The following PEX14 variants were observed in gnomAD, a reference collection of about 807,000 sequenced individuals.
PEX14 encodes the protein peroxisomal membrane protein PEX14.
A neutral mutation model predicts 49.5 loss-of-function variants in PEX14; 15 were observed. The observed-to-expected ratio is 0.30, with a 90% CI of 0.20 to 0.47. The LOEUF is 0.47. Among genes scored for constraint, PEX14 ranks in the 20% least tolerant of loss-of-function variants. PEX14 has a pLI of 1.00. For synonymous variants in PEX14, 210 were observed against 212.7 expected (o/e 0.99, Z 0.11); for missense variants, 398 against 494.8 (o/e 0.80, Z 1.86).
Position 10,557,029 on chromosome 1 carries a change from G to A in PEX14, c.169+20732G>A, listed in dbSNP as rs2124521590. On this transcript the variant is annotated intron_variant, in intron 3 of 8. Coordinates refer to ENST00000356607, the MANE Select transcript of PEX14 (RefSeq NM_004565.3). ...TTGAGTAAGTCATTAAGTAAAGCCA[G>A]TCACCTTAGATTTTGCCTCTTCTCT... is the stretch of plus-strand genomic sequence containing the variant. Among the ~76,000 whole-genome samples the A allele has an allele frequency of 1.3e-5, 2 of 152,176 alleles. 1 individual carries two copies. Among genetic ancestry groups the A allele is most frequent in the South Asian group, 4.1e-4 (2 of 4,822 alleles).
intron 2 of PEX14, chr1:10,524,547 G>A: frequency 3.9e-6 from 1 of 255,516 alleles, no homozygotes; most frequent in South Asian, 1.5e-4. Context: ...GCTTCTCCTA[G>A]ATGACCAAGA....
intron 3 of PEX14, among the ~76,000 whole-genome samples, chr1:10,587,992 G>A (rs989519331): frequency 6.9e-6 from 1 of 145,878 alleles, no homozygotes; most frequent in Non-Finnish European, 1.5e-5. Context: ...TTGGGAGGCC[G>A]AGCGAGTAGA....
chr1:10,627,445 C>T (rs959798211), intron 8 of PEX14, 82 bp downstream of exon 8: 82 of 960,216 alleles, frequency 8.5e-5, no homozygotes, highest in Admixed American at 2.8e-4. Context: ...AGGGGCATGA[C>T]GCCCACCCCC....
chr1:10,490,956 G>A (rs1358035285), intron 1 of PEX14, among the ~76,000 whole-genome samples: 1 of 151,178 alleles, frequency 6.6e-6, no homozygotes, highest in Admixed American at 6.6e-5. Context: ...CTCCCACATC[G>A]GCCTCCCAAA....
chr1:10,618,298 C>T (rs775652633), intron 4 of PEX14, 34 bp from the exon 5 acceptor site: 38 of 1,570,768 alleles, frequency 2.4e-5, no homozygotes, highest in South Asian at 8.9e-5. Flanking sequence ...ACGCCATGTG[C>T]GTCTTCTAAC....
intron 3 of PEX14, among the ~76,000 whole-genome samples, chr1:10,537,408 C>T (rs1327377394): frequency 7.6e-5 from 11 of 145,178 alleles, no homozygotes; most frequent in South Asian, 2.2e-4. Context: ...CTCGCCACTC[C>T]GCAAGCATCA....
chr1:10,623,520 C>T lies in PEX14; in HGVS notation c.487+399C>T, dbSNP rs533375768. Among the ~76,000 whole-genome samples the T allele has an allele frequency of 1.3e-5, 2 of 152,252 alleles. No homozygotes were observed. The highest frequency in any genetic ancestry group is 3.9e-4 in the East Asian group (2 of 5,182). On this transcript the variant is annotated intron_variant, in intron 6 of 8. Coordinates refer to ENST00000356607, the MANE Select transcript of PEX14 (RefSeq NM_004565.3). The surrounding 1 kb of genome is among the most constrained non-coding windows in gnomAD (Gnocchi z 4.4). ...GAGAGTCTGTAATTACTGTGGCTCCCGGGACCCCAGCCACCTCCCCTGTTA... is the reference window on the plus strand; with the variant it reads ...GAGAGTCTGTAATTACTGTGGCTCCTGGGACCCCAGCCACCTCCCCTGTTA...
chr1:10,484,329 C>T (rs565319631), intron 1 of PEX14, among the ~76,000 whole-genome samples: 2 of 151,734 alleles, frequency 1.3e-5, no homozygotes, highest in African/African-American at 4.9e-5. Flanking sequence ...TGAGTCACTG[C>T]GTCCAGCCAA....
intron 3 of PEX14, among the ~76,000 whole-genome samples, chr1:10,586,577 A>G (rs74715638): frequency 9.3e-4 from 142 of 152,098 alleles, no homozygotes; most frequent in African/African-American, 3.3e-3. Flanking sequence ...GGCTATGTGT[A>G]ACAACAAGGA....
intron 2 of PEX14, among the ~76,000 whole-genome samples, chr1:10,532,698 ATT>A (rs1638683883): frequency 6.6e-6 from 1 of 152,188 alleles, no homozygotes; most frequent in Non-Finnish European, 1.5e-5. Flanking sequence ...AATTTATGTA[ATT>A]TAGTTGGGCA....
intron 7 of PEX14, 120 bp from the exon 8 acceptor site, chr1:10,627,152 G>T: frequency 2.6e-6 from 2 of 765,162 alleles, no homozygotes; most frequent in Admixed American, 3.5e-5. Flanking sequence ...CTTCCCCCGG[G>T]TTCCCCAGAA....
At chr1:10,603,382 T>C (rs1458647351) in intron 4 of PEX14, among the ~76,000 whole-genome samples, 6 of 152,106 alleles carry the variant, frequency 3.9e-5, no homozygotes, top group African/African-American at 1.2e-4. Context: ...GACAAGAAAT[T>C]CTGAAATTCT....
intron 2 of PEX14, among the ~76,000 whole-genome samples, chr1:10,513,810 G>A (rs2274985): frequency 0.41 from 62,146 of 152,136 alleles, 14,333 homozygotes; most frequent in East Asian, 0.54. Flanking sequence ...TATATTGACT[G>A]GGAAAGGGAA....
chr1:10,600,583 T>A (rs1324833713), intron 4 of PEX14, among the ~76,000 whole-genome samples: 1 of 151,660 alleles, frequency 6.6e-6, no homozygotes, highest in Non-Finnish European at 1.5e-5. Context: ...CCGGGCGTGG[T>A]GGCACACGCC....
At chr1:10,541,897 C>CCACTT (rs778373175) in intron 3 of PEX14, among the ~76,000 whole-genome samples, 3 of 152,176 alleles carry the variant, frequency 2.0e-5, no homozygotes, top group Non-Finnish European at 4.4e-5. Flanking sequence ...GGGGTTTCCT[C>CCACTT]CACTTCACCC....
At position 10,623,616 on chromosome 1, in the gene PEX14, G is replaced by A. The variant is rs1260906916; in HGVS notation, c.487+495G>A. Among the ~76,000 whole-genome samples, 1 of 152,154 alleles carries A rather than the reference G, an allele frequency of 6.6e-6. No homozygotes were observed. The highest frequency in any genetic ancestry group is 1.9e-4 in the East Asian group (1 of 5,200). On this transcript the variant is annotated intron_variant, in intron 6 of 8. Transcript: ENST00000356607. This position sits in a 1 kb window ranked among gnomAD's most constrained non-coding sequence, Gnocchi z 4.4. ...GCCCAGATTAGCTGGGACCTGTCGCGCCAGAGGTGGCTTCTCTTCTTTATA... is the reference window on the plus strand; with the variant it reads ...GCCCAGATTAGCTGGGACCTGTCGCACCAGAGGTGGCTTCTCTTCTTTATA...
chr1:10,612,916 C>T (rs531856496), intron 4 of PEX14, among the ~76,000 whole-genome samples: 2 of 152,360 alleles, frequency 1.3e-5, no homozygotes, highest in South Asian at 4.1e-4. Flanking sequence ...TGGAGGCGAC[C>T]TCAATGGGCT....
intron 4 of PEX14, among the ~76,000 whole-genome samples, chr1:10,601,287 G>T (rs965486870): frequency 1.4e-5 from 2 of 139,548 alleles, no homozygotes; most frequent in Admixed American, 6.9e-5. Flanking sequence ...AAAAAAAAGT[G>T]TTAGATATCA....
rs566670391 is a variant in PEX14, at chr1:10,544,878, G to A, written c.169+8581G>A. Among the ~76,000 whole-genome samples, 276 of 151,808 alleles carry A rather than the reference G, an allele frequency of 1.8e-3. 2 individuals are homozygous for A. The highest frequency in any genetic ancestry group is 6.3e-3 in the Admixed American group (96 of 15,252). On this transcript the variant is annotated intron_variant, in intron 3 of 8. Coordinates refer to ENST00000356607, the MANE Select transcript of PEX14 (RefSeq NM_004565.3). The stretch of plus-strand genomic sequence containing the variant: ...CCCGGGATCAAGTGATCCTCCCATC[G>A]CAGCCTCCCAGGTAGCTGGGCCACA...
Sources: allele counts gnomAD v4.1 joint callset (sites outside exome capture counted in the v4.1 genomes callset), GRCh38; gene constraint gnomAD v4.1.1; non-coding constraint Gnocchi (gnomAD v3.1); transcripts MANE v1.5; gene names NCBI Gene and HGNC (gene_info 2026-07-23, HGNC 2026-07-21).